Variants in REDIC1 observed in about 807,000 individuals in gnomAD.
The protein encoded by REDIC1 is HEI10 Interacting Protein 1.
chr12:39,766,335 C>A, the REDIC1 span, among the ~76,000 whole-genome samples: 2 of 152,036 alleles, frequency 1.3e-5, no homozygotes, highest in African/African-American at 4.8e-5. Flanking sequence ...GTTATGTTCC[C>A]ATGAAAGTGC....
At chr12:39,762,310 C>CAGTT in the REDIC1 span, among the ~76,000 whole-genome samples, 1 of 149,662 alleles carries the variant, frequency 6.7e-6, no homozygotes, top group Non-Finnish European at 1.5e-5. Flanking sequence ...GACTATTGAA[C>CAGTT]AGTTAGATAT....
chr12:39,705,018 C>T, the REDIC1 span, among the ~76,000 whole-genome samples: 1 of 151,904 alleles, frequency 6.6e-6, no homozygotes, highest in African/African-American at 2.4e-5. Flanking sequence ...CACATGTATA[C>T]ATATGTAACT....
At chr12:39,892,342 G>A in the REDIC1 span, among the ~76,000 whole-genome samples, 1 of 152,106 alleles carries the variant, frequency 6.6e-6, no homozygotes, top group Non-Finnish European at 1.5e-5. Context: ...GTGTGTGTGT[G>A]TTTCTTTATT....
the REDIC1 span, among the ~76,000 whole-genome samples, chr12:39,665,193 T>A: frequency 6.6e-6 from 1 of 152,178 alleles, no homozygotes; most frequent in African/African-American, 2.4e-5. Context: ...TTCTAGGGTT[T>A]TTATGGTTTT....
chr12:39,774,793 C>CAATTATATTAGATGCAA, the REDIC1 span, among the ~76,000 whole-genome samples: 1 of 152,126 alleles, frequency 6.6e-6, no homozygotes, highest in Non-Finnish European at 1.5e-5. Flanking sequence ...TATTATTTAT[C>CAATTATATTAGATGCAA]TATAAATCAT....
chr12:39,748,949 T>A, the REDIC1 span, among the ~76,000 whole-genome samples: 882 of 152,124 alleles, frequency 5.8e-3, 8 homozygotes, highest in African/African-American at 0.02. Flanking sequence ...TAGCACTAAA[T>A]ACCCACAAGA....
chr12:39,656,976 G>A, the REDIC1 span, among the ~76,000 whole-genome samples: 1 of 152,056 alleles, frequency 6.6e-6, no homozygotes, highest in Non-Finnish European at 1.5e-5. Context: ...AGTAAGATAA[G>A]GTTAATTTAT....
At chr12:39,698,770 T>C in the REDIC1 span, among the ~76,000 whole-genome samples, 1 of 152,114 alleles carries the variant, frequency 6.6e-6, no homozygotes, top group Non-Finnish European at 1.5e-5. Flanking sequence ...AAGAATGAAA[T>C]TGAAAAATTC....
At chr12:39,869,976 A>G in the REDIC1 span, among the ~76,000 whole-genome samples, 1 of 152,208 alleles carries the variant, frequency 6.6e-6, no homozygotes, top group Non-Finnish European at 1.5e-5. Context: ...CCATTCACAA[A>G]TGAGAAAATA....
the REDIC1 span, among the ~76,000 whole-genome samples, chr12:39,667,656 G>A: frequency 6.6e-6 from 1 of 152,172 alleles, no homozygotes; most frequent in African/African-American, 2.4e-5. Flanking sequence ...GTCTAATGTT[G>A]ACAGTGGGGT....
the REDIC1 span, among the ~76,000 whole-genome samples, chr12:39,674,290 C>A: frequency 6.6e-6 from 1 of 152,146 alleles, no homozygotes; most frequent in Non-Finnish European, 1.5e-5. Flanking sequence ...AATAACTACT[C>A]TACATTTCTG....
At chr12:39,878,351 C>G in the REDIC1 span, among the ~76,000 whole-genome samples, 1 of 152,154 alleles carries the variant, frequency 6.6e-6, no homozygotes, top group Non-Finnish European at 1.5e-5. Context: ...AAATTTGGAA[C>G]TTTTAAGAGA....
chr12:39,821,409 CA>C, the REDIC1 span, among the ~76,000 whole-genome samples: 21 of 144,110 alleles, frequency 1.5e-4, no homozygotes, highest in South Asian at 4.5e-4. Context: ...GACTCCGTCT[CA>C]AAAAAAAAAA....
the REDIC1 span, among the ~76,000 whole-genome samples, chr12:39,838,606 A>T: frequency 5.9e-5 from 9 of 152,036 alleles, no homozygotes; most frequent in Non-Finnish European, 1.3e-4. Context: ...AAACCTAAAA[A>T]TGCTTCCAAT....
chr12:39,883,902 T>C, the REDIC1 span, among the ~76,000 whole-genome samples: 1 of 152,168 alleles, frequency 6.6e-6, no homozygotes, highest in Non-Finnish European at 1.5e-5. Flanking sequence ...ATCTCATCTA[T>C]TAAAAATAAT....
At chr12:39,684,312 G>A in the REDIC1 span, 1 of 920,340 alleles carries the variant, frequency 1.1e-6, no homozygotes, top group African/African-American at 1.8e-5. Flanking sequence ...TAACTTTCTT[G>A]GTAATAGTCC....
At chr12:39,856,710 T>C in the REDIC1 span, among the ~76,000 whole-genome samples, 1 of 152,172 alleles carries the variant, frequency 6.6e-6, no homozygotes, top group Non-Finnish European at 1.5e-5. Context: ...TCCATAGCAA[T>C]AGGTATTTTC....
the REDIC1 span, among the ~76,000 whole-genome samples, chr12:39,761,796 T>A: frequency 1.6e-4 from 24 of 152,064 alleles, no homozygotes; most frequent in Admixed American, 1.6e-3. Context: ...ACATTTTAGA[T>A]TAAACTAGGC....
At chr12:39,761,266 A>G in the REDIC1 span, among the ~76,000 whole-genome samples, 2 of 150,166 alleles carry the variant, frequency 1.3e-5, no homozygotes, top group African/African-American at 4.9e-5. Flanking sequence ...GGGGCTTCTC[A>G]GCTCCTACTT....
Sources: allele counts gnomAD v4.1 joint callset (sites outside exome capture counted in the v4.1 genomes callset), GRCh38; gene constraint gnomAD v4.1.1; transcripts MANE v1.5; gene names NCBI Gene and HGNC (gene_info 2026-07-23, HGNC 2026-07-21).